LARP4: variants seen among roughly 807,000 people sequenced by gnomAD.
LARP4 encodes the protein La ribonucleoprotein 4.
LARP4 carries 29 observed loss-of-function variants against 92.9 expected under a neutral mutation model. The observed-to-expected ratio is 0.31, with a 90% CI of 0.23 to 0.43. The LOEUF is 0.43. Ranked by LOEUF, LARP4 falls within the 20% of genes least tolerant of loss-of-function variation. The pLI is 1.00. For missense variants in LARP4, 732 were observed against 860.0 expected (o/e 0.85, Z 1.86); for synonymous variants, 279 against 284.1 (o/e 0.98, Z 0.18).
At chr12:50,468,072 C>T (rs7304017) in intron 13 of LARP4, among the ~76,000 whole-genome samples, 107,989 of 151,914 alleles carry the variant, frequency 0.71, 44,331 homozygotes, top group Non-Finnish European at 0.93. Context: ...CTCCACCTCC[C>T]GGGTTCAAGC....
intron 1 of LARP4, among the ~76,000 whole-genome samples, chr12:50,422,089 C>T (rs903875359): frequency 1.3e-5 from 2 of 151,856 alleles, no homozygotes; most frequent in African/African-American, 4.8e-5. Context: ...CCTGCCTCAG[C>T]CTCCTGAGTA....
Position 50,441,599 on chromosome 12 carries a change from T to C in LARP4, c.760T>C (p.Tyr254His). The C allele has an allele frequency of 6.3e-7, 1 of 1,595,996 alleles. No homozygotes were observed. The highest frequency in any genetic ancestry group is 1.1e-5 in the South Asian group (1 of 88,016). Residue 254 changes from tyrosine (Y) to histidine (H), a missense_variant, in exon 8 of 16, where the codon TAC becomes CAC. Around this residue, in one of 7 missense-constraint regions of LARP4, gnomAD observed 236 missense variants for 307.6 expected, o/e 0.77. Coordinates refer to ENST00000398473, the MANE Select transcript of LARP4 (RefSeq NM_052879.5). ...TGTGCTTTGTTAACAGGCTTTTAAA[T>C]ACTTAAGAGAAGAAGTTAAAACATT... ...SDTDAQQAFK[Y>H]LREEVKTFQG...
intron 8 of LARP4, among the ~76,000 whole-genome samples, chr12:50,444,841 C>T (rs1565640563): frequency 6.6e-6 from 1 of 152,102 alleles, no homozygotes; most frequent in Admixed American, 6.6e-5. Flanking sequence ...AAGGAACTTC[C>T]ATTGGTGTTT....
intron 8 of LARP4, among the ~76,000 whole-genome samples, chr12:50,449,556 C>G (rs144110103): frequency 6.6e-6 from 1 of 152,042 alleles, no homozygotes; most frequent in Non-Finnish European, 1.5e-5. Flanking sequence ...AGGCATGATG[C>G]CTTGCTACCT....
At chr12:50,435,646 CTT>C in intron 5 of LARP4, 22 bp downstream of exon 5, 1 of 1,507,154 alleles carries the variant, frequency 6.6e-7, no homozygotes, top group Non-Finnish European at 9.0e-7. Flanking sequence ...TACCTTTTAG[CTT>C]TTTTTTTAAT....
chr12:50,432,258 A>G (rs1949768352), intron 4 of LARP4, among the ~76,000 whole-genome samples: 1 of 152,228 alleles, frequency 6.6e-6, no homozygotes, highest in African/African-American at 2.4e-5. Context: ...CAACAGAACC[A>G]TAGAAGATGT....
chr12:50,430,821 C>A (rs937464851), intron 4 of LARP4, among the ~76,000 whole-genome samples: 8 of 151,900 alleles, frequency 5.3e-5, no homozygotes, highest in Non-Finnish European at 7.4e-5. Context: ...GCCACCATGC[C>A]CAGCTAATAT....
At chr12:50,428,845 A>G (rs764853342) in intron 2 of LARP4, 90 bp from the exon 3 acceptor site, 21 of 961,666 alleles carry the variant, frequency 2.2e-5, no homozygotes, top group Non-Finnish European at 3.2e-5. Flanking sequence ...AAATCCTTAA[A>G]ATCTTTTTAT....
intron 11 of LARP4, among the ~76,000 whole-genome samples, 165 bp from the exon 12 acceptor site, chr12:50,462,417 G>A (rs895257409): frequency 6.6e-6 from 1 of 150,840 alleles, no homozygotes; most frequent in Admixed American, 6.6e-5. Flanking sequence ...GAGGCAGTTC[G>A]TAGTGAGCCG....
At position 50,478,493 on chromosome 12, in the gene LARP4, G is replaced by C. The variant is rs908303585; in HGVS notation, c.*2629G>C. The C allele has an allele frequency of 3.9e-5, 6 of 152,058 alleles. No individual in the cohort carries two copies. Among genetic ancestry groups the C allele is most frequent in the African/African-American group, 1.4e-4 (6 of 41,424 alleles). 9.4% of individuals were successfully genotyped at this position (152,058 alleles called of 1,614,324 possible). Reference sequence around the variant, plus strand: ...TAACTAATGAGGGTGGATGTTCATTGTAGTTTATTTATTTGGTTCTTTAGA... The same window carrying C: ...TAACTAATGAGGGTGGATGTTCATTCTAGTTTATTTATTTGGTTCTTTAGA... On this transcript the variant is annotated 3_prime_UTR_variant, in exon 16 of 16. Coordinates refer to ENST00000398473, the MANE Select transcript of LARP4 (RefSeq NM_052879.5).
At chr12:50,463,645 A>T in intron 12 of LARP4, among the ~76,000 whole-genome samples, 1 of 152,062 alleles carries the variant, frequency 6.6e-6, no homozygotes, top group East Asian at 1.9e-4. Context: ...GGGTACACTG[A>T]TGCAAGGGTT....
At chr12:50,465,048 C>G (rs941261112) in intron 12 of LARP4, among the ~76,000 whole-genome samples, 3 of 151,534 alleles carry the variant, frequency 2.0e-5, no homozygotes, top group African/African-American at 7.3e-5. Flanking sequence ...AAGTGGCCCT[C>G]AACAATTTGG....
intron 1 of LARP4, among the ~76,000 whole-genome samples, chr12:50,416,028 G>C (rs965240953): frequency 5.3e-5 from 8 of 152,082 alleles, no homozygotes; most frequent in African/African-American, 1.9e-4. Flanking sequence ...TTGGATGCAG[G>C]CATGTGACCT....
intron 8 of LARP4, among the ~76,000 whole-genome samples, chr12:50,443,671 G>A (rs1344433097): frequency 6.6e-6 from 1 of 152,096 alleles, no homozygotes; most frequent in Non-Finnish European, 1.5e-5. Flanking sequence ...GAGTGCAGTG[G>A]CACAATCTCA....
At position 50,440,400 on chromosome 12, in the gene LARP4, GTATTTTTTAGAGTTAACTAATT is replaced by G; in HGVS notation, c.640-37_640-16del. ...CCAACAAAAAATGCCAATTATTGAT[GTATTTTTTAGAGTTAACTAATT>G]TTCTTTTTCTTTTTAGGAAGTGAAA... On this transcript the variant is annotated splice_polypyrimidine_tract_variant and intron_variant, in intron 6 of 15. Coordinates refer to ENST00000398473, the MANE Select transcript of LARP4 (RefSeq NM_052879.5). The G allele has an allele frequency of 7.0e-7, 1 of 1,427,110 alleles. No homozygotes were observed. 88.4% of individuals were successfully genotyped at this position (1,427,110 alleles called of 1,614,324 possible).
chr12:50,473,685 G>T (rs1957188643), intron 14 of LARP4, 149 bp downstream of exon 14: 1 of 653,442 alleles, frequency 1.5e-6, no homozygotes, highest in Non-Finnish European at 2.4e-6. Context: ...GGCCAACATG[G>T]TGAAACCCCG....
intron 1 of LARP4, among the ~76,000 whole-genome samples, chr12:50,425,345 ATC>A (rs1358615603): frequency 6.6e-6 from 1 of 152,004 alleles, no homozygotes; most frequent in African/African-American, 2.4e-5. Context: ...TTAATGTTTG[ATC>A]TCTGTTTCTG....
chr12:50,448,831 C>T (rs1483135363), intron 8 of LARP4, among the ~76,000 whole-genome samples: 1 of 152,138 alleles, frequency 6.6e-6, no homozygotes, highest in East Asian at 1.9e-4. Context: ...AGCCGAGATT[C>T]TTTCTTAATA....
chr12:50,425,336 T>G (rs1356514751), intron 1 of LARP4, among the ~76,000 whole-genome samples: 2 of 152,224 alleles, frequency 1.3e-5, no homozygotes, highest in African/African-American at 4.8e-5. Flanking sequence ...TATTCGGATT[T>G]AATGTTTGAT....
Sources: allele counts gnomAD v4.1 joint callset (sites outside exome capture counted in the v4.1 genomes callset), GRCh38; gene constraint gnomAD v4.1.1; regional missense constraint gnomAD v4.1.1; transcripts MANE v1.5; gene names NCBI Gene and HGNC (gene_info 2026-07-23, HGNC 2026-07-21).